RIDA: variants seen among roughly 807,000 people sequenced by gnomAD.
RIDA encodes reactive intermediate imine deaminase A, also known as 2-iminobutanoate/2-iminopropanoate deaminase.
Under a neutral mutation model 17.8 loss-of-function variants are expected in RIDA, and 17 were observed. That is an observed-to-expected ratio of 0.96 (90% confidence interval 0.65 to 1.43). The LOEUF is 1.43. Among genes scored for constraint, RIDA ranks in the 40% most tolerant of loss-of-function variants. The pLI, the probability that RIDA is intolerant of heterozygous loss-of-function variation, is 0.00. For synonymous variants in RIDA, 48 were observed against 55.7 expected (o/e 0.86, Z 0.62); for missense variants, 158 against 161.7 (o/e 0.98, Z 0.12).
In RIDA at chr8:98,110,213, A is replaced by C. The variant is rs182923634; in HGVS notation, c.66-1462T>G. 2.0e-5 allele frequency among the ~76,000 whole-genome samples: 3 copies of C among 152,376 alleles called. No homozygotes were observed. The East Asian group carries it at 5.8e-4, about 29-fold the overall frequency. On this transcript the variant is annotated intron_variant, in intron 1 of 5. Transcript: ENST00000254878. ...AAAATTTGACTATTATAGTGGATGC[A>C]TGATTCTATACATTTACTAAAACTC...
At chr8:98,105,822 T>G in intron 4 of RIDA, 116 bp downstream of exon 4, 1 of 652,188 alleles carries the variant, frequency 1.5e-6, no homozygotes, top group Non-Finnish European at 2.7e-6. Context: ...TTTTAAGATC[T>G]ATGACCATTT....
intron 1 of RIDA, among the ~76,000 whole-genome samples, chr8:98,116,335 G>A (rs1323970207): frequency 2.6e-5 from 4 of 152,024 alleles, no homozygotes; most frequent in Non-Finnish European, 5.9e-5. Context: ...TTCCTGTTCT[G>A]CCACATCTCA....
chr8:98,112,102 T>A (rs1477196913), intron 1 of RIDA, among the ~76,000 whole-genome samples: 1 of 152,118 alleles, frequency 6.6e-6, no homozygotes, highest in African/African-American at 2.4e-5. Flanking sequence ...TCATTTTTTT[T>A]AACAGCTACA....
intron 1 of RIDA, among the ~76,000 whole-genome samples, chr8:98,113,211 G>A (rs1362188609): frequency 6.6e-6 from 1 of 152,202 alleles, no homozygotes; most frequent in Non-Finnish European, 1.5e-5. Flanking sequence ...AATCTTTCAA[G>A]GTTCTGTCTG....
At chr8:98,104,198 C>T (rs1815603369) in intron 5 of RIDA, among the ~76,000 whole-genome samples, 1 of 151,806 alleles carries the variant, frequency 6.6e-6, no homozygotes, top group South Asian at 2.1e-4. Flanking sequence ...CCTCCCACCT[C>T]AGCCTACCAA....
chr8:98,103,002 T>G, intron 5 of RIDA, 98 bp from the exon 6 acceptor site: 1 of 788,372 alleles, frequency 1.3e-6, no homozygotes, highest in East Asian at 2.5e-5. Flanking sequence ...AATATAACAT[T>G]TTTAACATTA....
At chr8:98,103,087 T>C (rs1201978725) in intron 5 of RIDA, among the ~76,000 whole-genome samples, 183 bp from the exon 6 acceptor site, 1 of 152,230 alleles carries the variant, frequency 6.6e-6, no homozygotes, top group Non-Finnish European at 1.5e-5. Flanking sequence ...ATGCTAGGTA[T>C]ATTCATATAC....
chr8:98,116,867 T>TC (rs1314895400), intron 1 of RIDA, among the ~76,000 whole-genome samples, 165 bp downstream of exon 1: 3 of 152,154 alleles, frequency 2.0e-5, no homozygotes, highest in Non-Finnish European at 4.4e-5. Context: ...AGGTTCCTGG[T>TC]CCCATCGTGG....
At chr8:98,106,048 C>G (rs1199556164) in intron 3 of RIDA, 42 bp from the exon 4 acceptor site, 1 of 1,411,358 alleles carries the variant, frequency 7.1e-7, no homozygotes, top group South Asian at 1.2e-5. Context: ...GTTATTTGGT[C>G]TGACCCAAAA....
intron 1 of RIDA, among the ~76,000 whole-genome samples, chr8:98,115,468 A>C (rs1321962731): frequency 6.6e-6 from 1 of 151,072 alleles, no homozygotes; most frequent in African/African-American, 2.4e-5. Context: ...AGCAATGATG[A>C]CTCTACCCCG....
chr8:98,117,170 C>T lies in RIDA; in HGVS notation c.-74G>A, dbSNP rs775294713. On this transcript the variant is annotated 5_prime_UTR_variant, in exon 1 of 6. Coordinates refer to ENST00000254878, the MANE Select transcript of RIDA (RefSeq NM_005836.3). ...CCAGCCCTGCTGGCTTCTTACTGGA[C>T]TGACCAACCACAGCAGCGCCTCTGC... 1.4e-5 allele frequency: 19 copies of T among 1,394,668 alleles called. No individual in the cohort carries two copies. The highest frequency in any genetic ancestry group is 1.0e-4 in the Admixed American group (6 of 59,584). 86.4% of individuals were successfully genotyped at this position (1,394,668 alleles called of 1,614,324 possible).
chr8:98,106,618 G>T, intron 2 of RIDA: 1 of 308,600 alleles, frequency 3.2e-6, no homozygotes, highest in Non-Finnish European at 6.0e-6. Flanking sequence ...AATTTCTGGT[G>T]TTCTTCATTC....
At chr8:98,109,407 C>G (rs953887116) in intron 1 of RIDA, among the ~76,000 whole-genome samples, 4 of 152,076 alleles carry the variant, frequency 2.6e-5, no homozygotes, top group African/African-American at 9.7e-5. Flanking sequence ...GAAATTTGCT[C>G]AACATTAGTA....
chr8:98,105,634 C>G (rs1216669847), intron 4 of RIDA, among the ~76,000 whole-genome samples: 1 of 152,074 alleles, frequency 6.6e-6, no homozygotes, highest in East Asian at 1.9e-4. Flanking sequence ...TAAATAAAAT[C>G]TATGCATAAA....
At chr8:98,104,452 G>C (rs1343774610) in intron 5 of RIDA, 37 bp downstream of exon 5, 8 of 1,288,282 alleles carry the variant, frequency 6.2e-6, no homozygotes, top group Non-Finnish European at 9.0e-6. Context: ...TGTAGAAACT[G>C]AAAACTGTGT....
At chr8:98,107,442 T>G (rs1252534816) in intron 2 of RIDA, among the ~76,000 whole-genome samples, 1 of 152,122 alleles carries the variant, frequency 6.6e-6, no homozygotes, top group East Asian at 1.9e-4. Flanking sequence ...GAGAATTGCT[T>G]GAACCTGGAA....
At chr8:98,106,774 T>A (rs1235688162) in intron 2 of RIDA, 1 of 153,122 alleles carries the variant, frequency 6.5e-6, no homozygotes, top group Non-Finnish European at 1.5e-5. Flanking sequence ...CACTGGCTTC[T>A]GGAAAAACAT....
chr8:98,106,074 G>C (rs1258292544), intron 3 of RIDA, 68 bp from the exon 4 acceptor site: 3 of 1,227,246 alleles, frequency 2.4e-6, no homozygotes, highest in Non-Finnish European at 3.6e-6. Context: ...CTTAGAAAAA[G>C]AGTGTATGAA....
intron 1 of RIDA, among the ~76,000 whole-genome samples, chr8:98,113,370 C>A (rs376005708): frequency 1.3e-5 from 2 of 152,196 alleles, no homozygotes; most frequent in African/African-American, 4.8e-5. Flanking sequence ...ACACACTCCA[C>A]GCACAAAAAC....
Sources: allele counts gnomAD v4.1 joint callset (sites outside exome capture counted in the v4.1 genomes callset), GRCh38; gene constraint gnomAD v4.1.1; transcripts MANE v1.5; gene names NCBI Gene and HGNC (gene_info 2026-07-23, HGNC 2026-07-21).